MGAT4C: variants seen among roughly 807,000 people sequenced by gnomAD.
MGAT4C encodes the protein alpha-1,3-mannosyl-glycoprotein 4-beta-N-acetylglucosaminyltransferase C.
A neutral mutation model predicts 40.1 loss-of-function variants in MGAT4C; 19 were observed. The ratio of observed to expected loss-of-function variants is 0.47; its 90% CI spans 0.33 to 0.70. The LOEUF is 0.70. Among genes scored for constraint, MGAT4C ranks in the 30% least tolerant of loss-of-function variants. The probability of loss-of-function intolerance (pLI) is 0.02; values close to 1 mark genes in which losing one functional copy is unlikely to be tolerated. For synonymous variants in MGAT4C, 181 were observed against 187.1 expected, an observed-to-expected ratio of 0.97 and a Z score of 0.27; for missense variants, 491 against 563.2, an observed-to-expected ratio of 0.87 and a Z score of 1.30.
chr12:86,051,622 A>G (rs1892899342), intron 1 of MGAT4C, among the ~76,000 whole-genome samples: 1 of 151,750 alleles, frequency 6.6e-6, no homozygotes, highest in Non-Finnish European at 1.5e-5. Context: ...AATCAAAATA[A>G]TTATGTGTTC....
chr12:86,015,225 C>A (rs889049251), intron 2 of MGAT4C, among the ~76,000 whole-genome samples: 8 of 148,358 alleles, frequency 5.4e-5, no homozygotes, highest in Admixed American at 3.4e-4. Flanking sequence ...AAAGTAATTG[C>A]GGTTTTTCCG....
At chr12:86,651,874 G>T (rs1963707764) in intron 2 of MGAT4C, among the ~76,000 whole-genome samples, 2 of 151,732 alleles carry the variant, frequency 1.3e-5, no homozygotes, top group Admixed American at 1.3e-4. Flanking sequence ...CAGAAAATAT[G>T]TTAAGGATTA....
intron 3 of MGAT4C, among the ~76,000 whole-genome samples, chr12:86,364,738 T>C (rs543820070): frequency 1.5e-5 from 2 of 137,624 alleles, no homozygotes; most frequent in South Asian, 2.6e-4. Flanking sequence ...GCAGGTTCTG[T>C]GATGCCCCCT....
chr12:86,238,102 C>A (rs935398032), intron 1 of MGAT4C, among the ~76,000 whole-genome samples: 3 of 151,774 alleles, frequency 2.0e-5, no homozygotes, highest in African/African-American at 7.3e-5. Flanking sequence ...CCTGTGTGAA[C>A]CTAAAATAAA....
chr12:86,666,084 A>C lies in MGAT4C; in HGVS notation c.-229+61125T>G, dbSNP rs985762185. On this transcript the variant is annotated intron_variant, in intron 2 of 7. Coordinates refer to the MGAT4C transcript ENST00000548651. ...CTGGAAAAGTAGTAATCAAAACTGCAATTCTTAAAACAAGCTTGATGCAAT... is the reference window on the plus strand; with the variant it reads ...CTGGAAAAGTAGTAATCAAAACTGCCATTCTTAAAACAAGCTTGATGCAAT... Among the ~76,000 whole-genome samples the C allele has an allele frequency of 3.3e-5, 5 of 152,294 alleles. No individual in the cohort carries two copies. The East Asian group carries it at 9.6e-4, about 29-fold the overall frequency.
intron 1 of MGAT4C, among the ~76,000 whole-genome samples, chr12:86,060,382 G>T (rs186036513): frequency 0.01 from 1,525 of 152,138 alleles, 86 homozygotes; most frequent in Non-Finnish European, 3.1e-3. Context: ...GGCTTCCACA[G>T]TTTAAAATAT....
intron 1 of MGAT4C, among the ~76,000 whole-genome samples, chr12:86,248,213 TCCTTC>T (rs1469477257): frequency 1.4e-5 from 2 of 144,908 alleles, no homozygotes; most frequent in Non-Finnish European, 3.0e-5. Flanking sequence ...CTTCCTTCCT[TCCTTC>T]CTTCCTTCCT....
chr12:86,795,544 T>TA (rs1816588279), intron 1 of MGAT4C, among the ~76,000 whole-genome samples: 1 of 151,672 alleles, frequency 6.6e-6, no homozygotes, highest in Non-Finnish European at 1.5e-5. Context: ...TACTCAAGCT[T>TA]AAAAACGGCA....
At chr12:86,068,556 T>A (rs1200773305) in intron 1 of MGAT4C, 2 of 148,314 alleles carry the variant, frequency 1.3e-5, no homozygotes, top group African/African-American at 4.9e-5. Context: ...TAAATATATA[T>A]AAGTATATTT....
intron 2 of MGAT4C, among the ~76,000 whole-genome samples, chr12:86,636,990 C>A (rs948314002): frequency 1.3e-5 from 2 of 151,682 alleles, no homozygotes; most frequent in African/African-American, 2.4e-5. Context: ...AGGGTATTTC[C>A]TTCCCAGACA....
At chr12:86,101,826 A>T (rs1462928224) in intron 1 of MGAT4C, among the ~76,000 whole-genome samples, 1 of 151,970 alleles carries the variant, frequency 6.6e-6, no homozygotes, top group African/African-American at 2.4e-5. Context: ...ATGCATACAG[A>T]TTTAAAGGCT....
At chr12:86,603,641 A>C (rs1284051764) in intron 2 of MGAT4C, among the ~76,000 whole-genome samples, 1 of 126,546 alleles carries the variant, frequency 7.9e-6, no homozygotes, top group Non-Finnish European at 1.6e-5. Flanking sequence ...GACTATATAT[A>C]GTATATATTA....
chr12:86,460,248 C>T (rs1000687701), intron 2 of MGAT4C, among the ~76,000 whole-genome samples: 1 of 152,226 alleles, frequency 6.6e-6, no homozygotes, highest in African/African-American at 2.4e-5. Flanking sequence ...GTGTGAAATA[C>T]ACCTGGGCTC....
At position 85,974,473 on chromosome 12, in the gene MGAT4C, AATATACACAC is replaced by A. The variant is rs993506339; in HGVS notation, c.*4806_*4815del. On this transcript the variant is annotated 3_prime_UTR_variant, in exon 5 of 5. Transcript: ENST00000611864. ...ATGTATATATGTATATATATACACAAATATACACACATATTCACATAATATTCAAGTATGT... is the reference window on the plus strand; with the variant it reads ...ATGTATATATGTATATATATACACAAATATTCACATAATATTCAAGTATGT... 1.3e-5 allele frequency: 2 copies of A among 150,672 alleles called. No individual in the cohort carries two copies. Among genetic ancestry groups the A allele is most frequent in the African/African-American group, 4.8e-5 (2 of 41,264 alleles). The allele number at this position is 150,672 out of a possible 1,614,324, so 9.3% of individuals were successfully genotyped here.
chr12:86,206,102 T>C (rs560910438), intron 1 of MGAT4C, among the ~76,000 whole-genome samples: 38 of 152,268 alleles, frequency 2.5e-4, no homozygotes, highest in African/African-American at 8.7e-4. Flanking sequence ...GTGAAACTCA[T>C]GTTGAAACTT....
rs180939875 is a variant in MGAT4C, at chr12:86,358,349, A to C, written c.-119-24222T>G. ...GAAGCACTAAACATGGAAAGGAACA[A>C]CCACTACCAGCCACTGCAAAAACAT... On this transcript the variant is annotated intron_variant, in intron 3 of 7. Coordinates refer to the MGAT4C transcript ENST00000548651. Among the ~76,000 whole-genome samples the C allele has an allele frequency of 2.4e-4, 37 of 152,320 alleles. No homozygotes were observed. In the East Asian group the frequency reaches 2.9e-3, roughly 12 times the overall value.
At chr12:86,298,843 A>G (rs1259424543) in intron 4 of MGAT4C, among the ~76,000 whole-genome samples, 1 of 152,182 alleles carries the variant, frequency 6.6e-6, no homozygotes, top group South Asian at 2.1e-4. Context: ...CAGTTAGTAT[A>G]TCTATACCAA....
rs1429295636 is a variant in MGAT4C at position 85,974,945 on chromosome 12, A to T, written c.*4344T>A. 1.3e-5 allele frequency: 2 copies of T among 150,612 alleles called. No individual in the cohort carries two copies. The highest frequency in any genetic ancestry group is 4.8e-5 in the African/African-American group (2 of 41,290). 9.3% of individuals were successfully genotyped at this position (150,612 alleles called of 1,614,324 possible). Reference sequence around the variant, plus strand: ...CCGGATCCTGACATTAAAAAAAAAAAGTAAAAAGATTCTGAAGACTGCATT... The same window carrying T: ...CCGGATCCTGACATTAAAAAAAAAATGTAAAAAGATTCTGAAGACTGCATT... On this transcript the variant is annotated 3_prime_UTR_variant, in exon 5 of 5. Transcript: ENST00000611864.
chr12:86,637,003 T>A (rs1963237942), intron 2 of MGAT4C, among the ~76,000 whole-genome samples: 1 of 151,914 alleles, frequency 6.6e-6, no homozygotes, highest in African/African-American at 2.4e-5. Context: ...CCCAGACATA[T>A]CCTGTTTTTT....
Sources: gnomAD v4.1 joint callset for allele counts (sites outside exome capture counted in the v4.1 genomes callset) on GRCh38, gnomAD v4.1.1 for gene constraint, MANE v1.5 for transcripts, NCBI Gene and HGNC (gene_info 2026-07-23, HGNC 2026-07-21) for gene names.